REDIC1: variants seen among roughly 807,000 people sequenced by gnomAD.
REDIC1 encodes the protein HEI10 Interacting Protein 1.
At chr12:39,656,895 G>A in the REDIC1 span, among the ~76,000 whole-genome samples, 2 of 152,288 alleles carry the variant, frequency 1.3e-5, no homozygotes, top group Admixed American at 6.5e-5. Context: ...GCTGTACAAT[G>A]TATTTGTTTT....
chr12:39,830,864 G>T, the REDIC1 span, among the ~76,000 whole-genome samples: 1 of 152,148 alleles, frequency 6.6e-6, no homozygotes, highest in African/African-American at 2.4e-5. Context: ...AGTAGGTATA[G>T]AAACAAAGGC....
At chr12:39,714,498 A>T in the REDIC1 span, among the ~76,000 whole-genome samples, 1 of 151,294 alleles carries the variant, frequency 6.6e-6, no homozygotes, top group African/African-American at 2.4e-5. Context: ...TGTAATTGTG[A>T]ATTATGCTGC....
the REDIC1 span, among the ~76,000 whole-genome samples, chr12:39,857,092 TA>T: frequency 6.6e-6 from 1 of 152,328 alleles, no homozygotes; most frequent in Non-Finnish European, 1.5e-5. Flanking sequence ...AGTTCTAGAA[TA>T]AGAATATAAG....
the REDIC1 span, chr12:39,720,786 G>A: frequency 1.9e-6 from 3 of 1,596,008 alleles, no homozygotes; most frequent in African/African-American, 2.7e-5. Context: ...TTTCTTTTTA[G>A]CCATCTGAAG....
At chr12:39,868,019 A>G in the REDIC1 span, among the ~76,000 whole-genome samples, 1 of 152,238 alleles carries the variant, frequency 6.6e-6, no homozygotes, top group African/African-American at 2.4e-5. Flanking sequence ...CTATTAAAGC[A>G]TAAAACAACT....
chr12:39,874,523 G>A, the REDIC1 span, among the ~76,000 whole-genome samples: 1 of 151,016 alleles, frequency 6.6e-6, no homozygotes, highest in African/African-American at 2.4e-5. Flanking sequence ...GCTAAGGCAG[G>A]AGAATTGCTT....
chr12:39,808,503 C>T, the REDIC1 span, among the ~76,000 whole-genome samples: 1 of 152,082 alleles, frequency 6.6e-6, no homozygotes, highest in Non-Finnish European at 1.5e-5. Flanking sequence ...ATGTGATTAA[C>T]TTCAGAAGAA....
the REDIC1 span, among the ~76,000 whole-genome samples, chr12:39,700,054 A>G: frequency 6.6e-4 from 101 of 152,352 alleles, no homozygotes; most frequent in African/African-American, 2.0e-3. Context: ...AAAGGAACGC[A>G]GTTCCTCACC....
chr12:39,673,792 A>G, the REDIC1 span, among the ~76,000 whole-genome samples: 4 of 152,106 alleles, frequency 2.6e-5, no homozygotes, highest in Non-Finnish European at 5.9e-5. Context: ...ATTATCTTTT[A>G]TATTTATTTA....
chr12:39,817,913 C>T, the REDIC1 span, among the ~76,000 whole-genome samples: 1 of 152,212 alleles, frequency 6.6e-6, no homozygotes. Context: ...CCTGAACTAG[C>T]TTCCAGGATA....
the REDIC1 span, among the ~76,000 whole-genome samples, chr12:39,842,170 G>A: frequency 6.6e-6 from 1 of 151,986 alleles, no homozygotes; most frequent in Non-Finnish European, 1.5e-5. Flanking sequence ...TTATTTAAAG[G>A]AAAGCAGGCT....
chr12:39,893,864 T>C, the REDIC1 span, among the ~76,000 whole-genome samples: 8 of 152,348 alleles, frequency 5.3e-5, no homozygotes, highest in Admixed American at 3.3e-4. Context: ...CTTTCAATTT[T>C]TGAATTCACA....
the REDIC1 span, among the ~76,000 whole-genome samples, chr12:39,649,799 A>G: frequency 6.6e-6 from 1 of 151,956 alleles, no homozygotes. Flanking sequence ...TTTGAACTGA[A>G]TAATATTGAT....
the REDIC1 span, among the ~76,000 whole-genome samples, chr12:39,875,336 T>A: frequency 0.018 from 2,721 of 152,314 alleles, 78 homozygotes; most frequent in African/African-American, 0.062. Flanking sequence ...ATTTGTCAAG[T>A]CCCTCTCATG....
chr12:39,853,567 T>C, the REDIC1 span, among the ~76,000 whole-genome samples: 1 of 151,996 alleles, frequency 6.6e-6, no homozygotes, highest in Non-Finnish European at 1.5e-5. Context: ...CTTTCTCTTT[T>C]TCCTTCCTTT....
the REDIC1 span, among the ~76,000 whole-genome samples, chr12:39,742,405 G>C: frequency 1.3e-5 from 2 of 152,048 alleles, no homozygotes; most frequent in Admixed American, 6.6e-5. Context: ...CAATTTGAAG[G>C]CTGCGCTCTT....
the REDIC1 span, among the ~76,000 whole-genome samples, chr12:39,888,956 C>T: frequency 6.6e-6 from 1 of 151,996 alleles, no homozygotes; most frequent in African/African-American, 2.4e-5. Context: ...TTCTTGTGAA[C>T]AGTTCAAAGT....
At chr12:39,838,097 T>G in the REDIC1 span, among the ~76,000 whole-genome samples, 1 of 147,632 alleles carries the variant, frequency 6.8e-6, no homozygotes, top group Non-Finnish European at 1.5e-5. Flanking sequence ...AACCCAAATG[T>G]CCAACAATCA....
the REDIC1 span, among the ~76,000 whole-genome samples, chr12:39,801,758 T>TCG: frequency 2.0e-5 from 3 of 152,204 alleles, no homozygotes; most frequent in African/African-American, 7.2e-5. Context: ...AGGGCGGGCT[T>TCG]AGAATCCAAA....
Sources: gnomAD v4.1 joint callset for allele counts (sites outside exome capture counted in the v4.1 genomes callset) on GRCh38, gnomAD v4.1.1 for gene constraint, MANE v1.5 for transcripts, NCBI Gene and HGNC (gene_info 2026-07-23, HGNC 2026-07-21) for gene names.